ZNF827: variants seen among roughly 807,000 people sequenced by gnomAD.
The protein encoded by ZNF827 is zinc finger protein 827.
In ZNF827, 13 loss-of-function variants were observed where a neutral mutation model predicts 102.4. The observed-to-expected ratio is 0.13, with a 90% CI of 0.08 to 0.20. The LOEUF (loss-of-function observed/expected upper bound fraction) is 0.20. Among genes scored for constraint, ZNF827 ranks in the 10% least tolerant of loss-of-function variants. The probability of loss-of-function intolerance (pLI) is 1.00; values close to 1 mark genes in which losing one functional copy is unlikely to be tolerated. For synonymous variants in ZNF827, 523 were observed against 536.2 expected (o/e 0.98, Z 0.34); for missense variants, 1,103 against 1,344.4 (o/e 0.82, Z 2.81).
intron 3 of ZNF827, among the ~76,000 whole-genome samples, chr4:145,887,657 G>A (rs1317576535): frequency 6.6e-6 from 1 of 152,218 alleles, no homozygotes; most frequent in African/African-American, 2.4e-5. Flanking sequence ...GTCACCAGCT[G>A]TTAACATCAC....
intron 10 of ZNF827, 115 bp downstream of exon 10, chr4:145,775,674 C>T: frequency 7.8e-7 from 1 of 1,279,938 alleles, no homozygotes; most frequent in Non-Finnish European, 1.1e-6. Context: ...CAAATGAAGG[C>T]CAGGCTATGA....
chr4:145,931,782 C>T (rs1364701956), intron 1 of ZNF827, among the ~76,000 whole-genome samples: 1 of 152,220 alleles, frequency 6.6e-6, no homozygotes, highest in Non-Finnish European at 1.5e-5. Flanking sequence ...TTAACCTAAT[C>T]TCAGAAATAC....
chr4:145,809,512 G>A (rs755231704), intron 8 of ZNF827, among the ~76,000 whole-genome samples: 3 of 152,176 alleles, frequency 2.0e-5, no homozygotes, highest in Non-Finnish European at 4.4e-5. Flanking sequence ...CACAAGACTA[G>A]GATTATGAGA....
chr4:145,862,814 A>C (rs1747858897), intron 5 of ZNF827, among the ~76,000 whole-genome samples: 1 of 152,250 alleles, frequency 6.6e-6, no homozygotes, highest in Non-Finnish European at 1.5e-5. Context: ...ATATTAAACA[A>C]GTCTGCATTT....
At chr4:145,863,114 A>T (rs1747881754) in intron 5 of ZNF827, among the ~76,000 whole-genome samples, 1 of 152,248 alleles carries the variant, frequency 6.6e-6, no homozygotes, top group Non-Finnish European at 1.5e-5. Flanking sequence ...TCCAAAGAGG[A>T]TATACAGATG....
intron 1 of ZNF827, among the ~76,000 whole-genome samples, chr4:145,937,056 C>T (rs1305451733): frequency 6.6e-6 from 1 of 152,132 alleles, no homozygotes; most frequent in African/African-American, 2.4e-5. Context: ...CGGGCGGCCC[C>T]GGGGGATATT....
chr4:145,834,299 T>C (rs1223142035), intron 7 of ZNF827, among the ~76,000 whole-genome samples: 1 of 151,302 alleles, frequency 6.6e-6, no homozygotes, highest in Non-Finnish European at 1.5e-5. Flanking sequence ...CAGTGCAACT[T>C]GTCCCAAATC....
intron 8 of ZNF827, among the ~76,000 whole-genome samples, chr4:145,815,703 A>G (rs1742535659): frequency 6.6e-6 from 1 of 152,268 alleles, no homozygotes; most frequent in Admixed American, 6.5e-5. Context: ...TTGTATATAC[A>G]GAAAAGGCCT....
intron 7 of ZNF827, among the ~76,000 whole-genome samples, chr4:145,825,202 C>A (rs560424030): frequency 1.5e-3 from 228 of 152,252 alleles, no homozygotes; most frequent in African/African-American, 5.4e-3. Context: ...CCACCATGGG[C>A]GGGATGGACA....
intron 4 of ZNF827, among the ~76,000 whole-genome samples, chr4:145,874,349 A>G (rs1748973394): frequency 6.6e-6 from 1 of 152,240 alleles, no homozygotes; most frequent in Non-Finnish European, 1.5e-5. Context: ...AATATAGCTA[A>G]TGACATATCA....
At position 145,775,853 on chromosome 4, in the gene ZNF827, C is replaced by T. The variant is rs758303642; in HGVS notation, c.2629G>A (p.Glu877Lys). The T allele has an allele frequency of 2.0e-5, 32 of 1,614,028 alleles. No individual in the cohort carries two copies. Among genetic ancestry groups the T allele is most frequent in the East Asian group, 4.5e-5 (2 of 44,900 alleles). Residue 877 changes from glutamate (E) to lysine (K), a missense_variant, in exon 10 of 15, where the codon GAG becomes AAG. This residue lies in a region of ZNF827 where 242 missense variants were observed against 361.9 expected (regional missense o/e 0.67). Transcript: ENST00000508784. The part of the protein sequence containing the change: ...HSVKLVSTDT[E>K]DIVSAVTSEG... ...GAGGTGACGGCGCTGACAATGTCCT[C>T]GGTGTCTGTACTCACCAGCTTCACG...
rs779364188 is a variant in ZNF827 at position 145,902,964 on chromosome 4, C to T, written c.295G>A (p.Asp99Asn). 4 of 1,614,176 alleles carry T rather than the reference C, an allele frequency of 2.5e-6. No individual in the cohort carries two copies. In the East Asian group the frequency reaches 8.9e-5, roughly 36 times the overall value. The change falls in exon 2 of 15, where the codon GAT becomes AAT. Residue 99 changes from aspartate (D) to asparagine (N), a missense_variant. Coordinates refer to ENST00000508784, the MANE Select transcript of ZNF827 (RefSeq NM_001306215.2). The surrounding 1 kb of genome is among the most constrained non-coding windows in gnomAD (Gnocchi z 4.3). ...EVLRDSLQCQDHLSPGVSSLC... is the reference protein window; with the variant it reads ...EVLRDSLQCQNHLSPGVSSLC... ...GAAGACACTCCCGGGGAAAGGTGAT[C>T]TTGACACTGCAGTGAGTCTCGCAGG... is the stretch of plus-strand genomic sequence containing the variant.
intron 9 of ZNF827, among the ~76,000 whole-genome samples, chr4:145,777,795 C>T (rs1459778959): frequency 6.6e-6 from 1 of 151,998 alleles, no homozygotes; most frequent in Admixed American, 6.5e-5. Context: ...AAATGTTTAC[C>T]TCTATAAATT....
At chr4:145,882,829 G>GA (rs1381108200) in intron 4 of ZNF827, among the ~76,000 whole-genome samples, 4 of 152,128 alleles carry the variant, frequency 2.6e-5, no homozygotes, top group Non-Finnish European at 5.9e-5. Context: ...AGAGCCCAGG[G>GA]AAAAAATTCA....
intron 8 of ZNF827, among the ~76,000 whole-genome samples, chr4:145,811,144 A>G (rs1052601897): frequency 5.3e-5 from 8 of 151,974 alleles, no homozygotes; most frequent in Non-Finnish European, 1.2e-4. Context: ...GGCATGCACC[A>G]CCATGCCTGG....
At chr4:145,913,014 A>C (rs757614538) in intron 1 of ZNF827, among the ~76,000 whole-genome samples, 1 of 152,244 alleles carries the variant, frequency 6.6e-6, no homozygotes, top group Non-Finnish European at 1.5e-5. Context: ...ATATTATTAC[A>C]TAAAACCGAC....
chr4:145,856,139 C>G (rs944072324), intron 5 of ZNF827, among the ~76,000 whole-genome samples: 2 of 152,038 alleles, frequency 1.3e-5, no homozygotes. Context: ...GGATTACAGT[C>G]TTGCGCCACC....
intron 9 of ZNF827, 31 bp downstream of exon 9, chr4:145,779,343 A>T: frequency 9.9e-6 from 16 of 1,608,282 alleles, no homozygotes; most frequent in Non-Finnish European, 1.4e-5. Context: ...TGGAGCATAG[A>T]GGGCTGACAG....
intron 3 of ZNF827, among the ~76,000 whole-genome samples, chr4:145,886,986 C>A (rs894149016): frequency 3.3e-5 from 5 of 152,262 alleles, no homozygotes; most frequent in African/African-American, 1.2e-4. Flanking sequence ...ATTGCATTGG[C>A]CTGAGCCAGG....
Sources: gnomAD v4.1 joint callset for allele counts (sites outside exome capture counted in the v4.1 genomes callset) on GRCh38, gnomAD v4.1.1 for gene constraint, gnomAD v4.1.1 regional missense constraint, Gnocchi (gnomAD v3.1) non-coding constraint, MANE v1.5 for transcripts, NCBI Gene and HGNC (gene_info 2026-07-23, HGNC 2026-07-21) for gene names.